Variants in ITGAE observed in about 807,000 individuals in gnomAD.
ITGAE encodes integrin subunit alpha E.
ITGAE carries 99 observed loss-of-function variants against 136.5 expected under a neutral mutation model. The observed-to-expected ratio is 0.73, with a 90% CI of 0.62 to 0.86. The LOEUF (loss-of-function observed/expected upper bound fraction) is 0.86, where lower values mean the gene tolerates loss of function less well. Ranked by LOEUF, ITGAE falls within the 40% of genes least tolerant of loss-of-function variation. The pLI is 0.00. For missense variants in ITGAE, 1,447 were observed against 1,515.3 expected, an observed-to-expected ratio of 0.95 and a Z score of 0.75; for synonymous variants, 613 against 591.8, an observed-to-expected ratio of 1.04 and a Z score of -0.52.
chr17:3,782,714 C>T (rs1457828829), intron 1 of ITGAE, among the ~76,000 whole-genome samples: 2 of 152,126 alleles, frequency 1.3e-5, no homozygotes, highest in Admixed American at 1.3e-4. Flanking sequence ...ACAGACTTAC[C>T]TGTTCAATTA....
chr17:3,763,150 C>T (rs927813464), intron 3 of ITGAE, among the ~76,000 whole-genome samples: 2 of 152,138 alleles, frequency 1.3e-5, no homozygotes, highest in Admixed American at 6.6e-5. Flanking sequence ...GCCTTGGCCT[C>T]CCAGTGTGCT....
intron 2 of ITGAE, among the ~76,000 whole-genome samples, chr17:3,772,397 G>A (rs1451141479): frequency 6.7e-6 from 1 of 148,288 alleles, no homozygotes; most frequent in Non-Finnish European, 1.5e-5. Context: ...ATCCATACTT[G>A]CTGAATGAAT....
chr17:3,719,056 A>AAAAATG (rs2050994883), intron 29 of ITGAE, among the ~76,000 whole-genome samples: 1 of 151,842 alleles, frequency 6.6e-6, no homozygotes, highest in Non-Finnish European at 1.5e-5. Flanking sequence ...ACATGGTGAA[A>AAAAATG]TCCTGTCTCT....
At chr17:3,790,413 A>C (rs1308848549) in intron 1 of ITGAE, among the ~76,000 whole-genome samples, 1 of 152,036 alleles carries the variant, frequency 6.6e-6, no homozygotes, top group Non-Finnish European at 1.5e-5. Flanking sequence ...AGGCTGAGGC[A>C]GGAGACTCGC....
At chr17:3,733,157 G>T (rs759806050) in intron 21 of ITGAE, among the ~76,000 whole-genome samples, 51 of 151,838 alleles carry the variant, frequency 3.4e-4, no homozygotes, top group Non-Finnish European at 1.9e-4. Flanking sequence ...CTAATTTTTT[G>T]TATTTTTAAT....
intron 6 of ITGAE, among the ~76,000 whole-genome samples, chr17:3,760,763 C>G (rs1326383703): frequency 1.3e-5 from 2 of 152,086 alleles, no homozygotes; most frequent in South Asian, 4.2e-4. Context: ...TTTTGTCTCC[C>G]CCTTCAAAAA....
intron 26 of ITGAE, chr17:3,726,552 G>T: frequency 1.8e-6 from 1 of 547,856 alleles, no homozygotes; most frequent in Non-Finnish European, 3.3e-6. Flanking sequence ...AACTAGCCGG[G>T]CACAGTGGCG....
rs534833506 is a variant in ITGAE, at chr17:3,755,997, A to ATGCTTGG, written c.1172-107_1172-101dup. ...CTTGGCCTCACTCCCAGAAGGAACC[A>ATGCTTGG]TGCTTGGTGTAACAGGAAGAGAACC... On this transcript the variant is annotated intron_variant, in intron 10 of 30. Coordinates refer to ENST00000263087, the MANE Select transcript of ITGAE (RefSeq NM_002208.5). The ATGCTTGG allele has an allele frequency of 9.2e-4, 1,061 of 1,154,304 alleles. 23 individuals carry two copies. In the South Asian group the frequency reaches 0.011, roughly 12 times the overall value. The allele number at this position is 1,154,304 out of a possible 1,614,324, so 71.5% of individuals were successfully genotyped here.
At chr17:3,782,340 A>ATGTGTGT (rs2052686062) in intron 1 of ITGAE, among the ~76,000 whole-genome samples, 1 of 109,596 alleles carries the variant, frequency 9.1e-6, no homozygotes. Flanking sequence ...TTAAATCTCT[A>ATGTGTGT]GTGTGTGTGT....
chr17:3,741,070 ATTTTTTT>A (rs58434003), intron 19 of ITGAE, among the ~76,000 whole-genome samples: 17 of 76,784 alleles, frequency 2.2e-4, no homozygotes, highest in South Asian at 9.5e-4. Context: ...TTTTTGTTGT[ATTTTTTT>A]TTTTTTTTTT....
At chr17:3,725,044 A>G (rs757369046) in intron 26 of ITGAE, 7 of 1,614,242 alleles carry the variant, frequency 4.3e-6, no homozygotes, top group Non-Finnish European at 5.9e-6. Context: ...TTCCCCACCC[A>G]GGACCTGACT....
At chr17:3,724,787 A>G (rs1160498181) in intron 26 of ITGAE, 16 of 1,614,214 alleles carry the variant, frequency 9.9e-6, no homozygotes, top group Non-Finnish European at 1.4e-5. Context: ...CAGAGGGTCC[A>G]GGTCTGTCAA....
At chr17:3,736,680 G>A (rs751062044) in intron 20 of ITGAE, among the ~76,000 whole-genome samples, 1 of 152,300 alleles carries the variant, frequency 6.6e-6, no homozygotes, top group South Asian at 2.1e-4. Context: ...GGGACCCAGA[G>A]TGCAGAACCA....
intron 1 of ITGAE, among the ~76,000 whole-genome samples, chr17:3,787,781 G>C (rs886765848): frequency 6.6e-6 from 1 of 150,916 alleles, no homozygotes; most frequent in African/African-American, 2.4e-5. Flanking sequence ...TCCACCTCTC[G>C]AGTTCAAGTG....
chr17:3,722,685 A>T (rs2051081476), intron 28 of ITGAE, among the ~76,000 whole-genome samples: 1 of 152,188 alleles, frequency 6.6e-6, no homozygotes, highest in Non-Finnish European at 1.5e-5. Flanking sequence ...AAAGGCGAGT[A>T]CTAGGAGATG....
chr17:3,775,170 C>T (rs935518132), intron 2 of ITGAE, among the ~76,000 whole-genome samples: 13 of 151,950 alleles, frequency 8.6e-5, no homozygotes, highest in African/African-American at 2.2e-4. Context: ...AGGCTGGTCT[C>T]GAACTCCTGG....
Position 3,799,066 on chromosome 17 carries a change from AC to A in ITGAE, c.34+2044del, listed in dbSNP as rs1420128569. Among the ~76,000 whole-genome samples, 1 of 152,028 alleles carries A rather than the reference AC, an allele frequency of 6.6e-6. No individual in the cohort carries two copies. Among genetic ancestry groups the A allele is most frequent in the African/African-American group, 2.4e-5 (1 of 41,392 alleles). On this transcript the variant is annotated intron_variant, in intron 1 of 30. Transcript: ENST00000263087. This position sits in a 1 kb window ranked among gnomAD's most constrained non-coding sequence, Gnocchi z 4.1. The stretch of plus-strand genomic sequence containing the variant: ...ATTCTCTCCAGCCTAAGGAGGCCCA[AC>A]CCGGCACAGGGTACAGGGTGCTGGG...
intron 18 of ITGAE, among the ~76,000 whole-genome samples, chr17:3,744,418 C>G (rs1326226232): frequency 6.6e-6 from 1 of 151,086 alleles, no homozygotes; most frequent in African/African-American, 2.4e-5. Flanking sequence ...AGAGTCACAG[C>G]CACACCTGGG....
intron 1 of ITGAE, among the ~76,000 whole-genome samples, chr17:3,800,681 ACT>A (rs2053234573): frequency 6.6e-6 from 1 of 151,750 alleles, no homozygotes; most frequent in African/African-American, 2.4e-5. Context: ...TCTGGTCAAC[ACT>A]CTCTCACAGG....
Sources: gnomAD v4.1 joint callset for allele counts (sites outside exome capture counted in the v4.1 genomes callset) on GRCh38, gnomAD v4.1.1 for gene constraint, Gnocchi (gnomAD v3.1) non-coding constraint, MANE v1.5 for transcripts, NCBI Gene and HGNC (gene_info 2026-07-23, HGNC 2026-07-21) for gene names.